The following CACNG5 variants were observed in gnomAD, a reference collection of about 807,000 sequenced individuals.
CACNG5 encodes calcium voltage-gated channel auxiliary subunit gamma 5.
Under a neutral mutation model 24.8 loss-of-function variants are expected in CACNG5, and 18 were observed. That is an observed-to-expected ratio of 0.73 (90% confidence interval 0.50 to 1.08). The LOEUF (loss-of-function observed/expected upper bound fraction) is 1.08, where lower values mean the gene tolerates loss of function less well. Among genes scored for constraint, CACNG5 ranks in the 50% least tolerant of loss-of-function variants. CACNG5 has a pLI of 0.00. For missense variants in CACNG5, 349 were observed against 367.9 expected (o/e 0.95, Z 0.42); for synonymous variants, 157 against 149.1 (o/e 1.05, Z -0.39).
intron 1 of CACNG5, among the ~76,000 whole-genome samples, chr17:66,846,694 G>A (rs946889406): frequency 3.9e-5 from 6 of 152,138 alleles, no homozygotes; most frequent in South Asian, 2.1e-4. Flanking sequence ...GGTTATTTCC[G>A]TCTTTGGACT....
intron 1 of CACNG5, among the ~76,000 whole-genome samples, chr17:66,850,723 G>A (rs944079566): frequency 3.3e-5 from 5 of 152,162 alleles, no homozygotes; most frequent in African/African-American, 1.2e-4. Flanking sequence ...CATAATGTGG[G>A]GTTGGGGGTG....
At chr17:66,867,452 T>C (rs1175186467) in intron 1 of CACNG5, among the ~76,000 whole-genome samples, 1 of 152,256 alleles carries the variant, frequency 6.6e-6, no homozygotes, top group Non-Finnish European at 1.5e-5. Context: ...TTTCTTTTGC[T>C]GTGCAGAACC....
At chr17:66,844,131 T>C (rs1976605282) in intron 1 of CACNG5, among the ~76,000 whole-genome samples, 1 of 152,168 alleles carries the variant, frequency 6.6e-6, no homozygotes, top group Non-Finnish European at 1.5e-5. Context: ...TAGGAGCTAA[T>C]ACTCGTTGGG....
rs1362132060 is a variant in CACNG5, at chr17:66,835,130, G to T, written c.-224G>T. On this transcript the variant is annotated 5_prime_UTR_variant, in exon 1 of 6. Transcript: ENST00000533854. ...GCGGCCACGGTCATTGGCGCCGAGC[G>T]GTTCCGGCTGACTGGACGGGGCGGG... 6.6e-6 allele frequency: 1 copy of T among 152,220 alleles called. No homozygotes were observed. Among genetic ancestry groups the T allele is most frequent in the Non-Finnish European group, 1.5e-5 (1 of 68,082 alleles). The allele number at this position is 152,220 out of a possible 1,614,324, so 9.4% of individuals were successfully genotyped here. A position where few individuals can be genotyped will look rare whatever the true frequency, so the allele number is the denominator to read the frequency against.
At chr17:66,867,117 C>A (rs1976940345) in intron 1 of CACNG5, among the ~76,000 whole-genome samples, 1 of 152,202 alleles carries the variant, frequency 6.6e-6, no homozygotes, top group Admixed American at 6.5e-5. Context: ...TTCTACATAG[C>A]CTTGCCAGCA....
intron 1 of CACNG5, among the ~76,000 whole-genome samples, chr17:66,855,103 A>G (rs1598049686): frequency 1.3e-5 from 2 of 152,250 alleles, no homozygotes; most frequent in Non-Finnish European, 2.9e-5. Context: ...GCCTAGCAGA[A>G]TAAAGCCCAT....
intron 1 of CACNG5, among the ~76,000 whole-genome samples, chr17:66,837,982 G>T (rs1396465471): frequency 2.0e-5 from 3 of 151,850 alleles, no homozygotes; most frequent in African/African-American, 7.3e-5. Flanking sequence ...GTTGGGCTCC[G>T]GCAGCCTGTT....
intron 1 of CACNG5, among the ~76,000 whole-genome samples, chr17:66,851,794 T>A (rs1976712155): frequency 6.6e-6 from 1 of 152,200 alleles, no homozygotes; most frequent in Non-Finnish European, 1.5e-5. Context: ...GAGAATATCA[T>A]GAAAGAGTTT....
chr17:66,882,172 T>A (rs1018334449), intron 4 of CACNG5, among the ~76,000 whole-genome samples: 19 of 152,002 alleles, frequency 1.2e-4, no homozygotes, highest in African/African-American at 4.6e-4. Context: ...CAAGTGACAT[T>A]TGAGAGGTAA....
intron 1 of CACNG5, among the ~76,000 whole-genome samples, chr17:66,837,238 C>G (rs1026994763): frequency 6.6e-6 from 1 of 152,208 alleles, no homozygotes; most frequent in Non-Finnish European, 1.5e-5. Context: ...GGCTGTGTAG[C>G]TAGGATCCCT....
rs1194696216 is a variant in CACNG5, at chr17:66,885,645, G to A, written c.*405G>A. Among the ~76,000 whole-genome samples, 1 of 152,192 alleles carries A rather than the reference G, an allele frequency of 6.6e-6. No homozygotes were observed. The highest frequency in any genetic ancestry group is 1.5e-5 in the Non-Finnish European group (1 of 68,038). ...CCAAGCTCCTTACACAGATGCAGCT[G>A]GACTCGTGCACTTGCCAACTGGCCT... On this transcript the variant is annotated 3_prime_UTR_variant, in exon 6 of 6. Coordinates refer to ENST00000533854, the MANE Select transcript of CACNG5 (RefSeq NM_145811.3).
In CACNG5 at chr17:66,889,284, G is replaced by A. The variant is rs1453396485; in HGVS notation, c.*4044G>A. 6.6e-6 allele frequency among the ~76,000 whole-genome samples: 1 copy of A among 152,140 alleles called. No individual in the cohort carries two copies. The highest frequency in any genetic ancestry group is 1.5e-5 in the Non-Finnish European group (1 of 68,034). Reference sequence around the variant, plus strand: ...CCTCTACCCTCTTTCTTGTCCCATGGGTGAGTCAATGATGTCCTCCCAGCC... The same window carrying A: ...CCTCTACCCTCTTTCTTGTCCCATGAGTGAGTCAATGATGTCCTCCCAGCC... On this transcript the variant is annotated 3_prime_UTR_variant, in exon 6 of 6. Coordinates refer to ENST00000533854, the MANE Select transcript of CACNG5 (RefSeq NM_145811.3).
chr17:66,849,446 A>C (rs970265838), intron 1 of CACNG5, among the ~76,000 whole-genome samples: 1 of 152,200 alleles, frequency 6.6e-6, no homozygotes, highest in Non-Finnish European at 1.5e-5. Flanking sequence ...CAGATCCAGC[A>C]GTGGGGTGGT....
chr17:66,862,910 G>C (rs1173306902), intron 1 of CACNG5, among the ~76,000 whole-genome samples: 30 of 150,824 alleles, frequency 2.0e-4, no homozygotes, highest in East Asian at 3.9e-4. Flanking sequence ...GTGTGTGTGT[G>C]TGTGTGTGTG....
At chr17:66,868,153 T>G (rs1320812057) in intron 1 of CACNG5, among the ~76,000 whole-genome samples, 1 of 152,204 alleles carries the variant, frequency 6.6e-6, no homozygotes, top group Non-Finnish European at 1.5e-5. Flanking sequence ...CTTCTTCTTT[T>G]GTTAAGAGCA....
intron 1 of CACNG5, among the ~76,000 whole-genome samples, chr17:66,865,691 G>A (rs1020064786): frequency 1.3e-5 from 2 of 150,152 alleles, no homozygotes; most frequent in East Asian, 2.0e-4. Flanking sequence ...GTGTAGTGGC[G>A]CGATCTCAGC....
At chr17:66,880,461 C>T in intron 3 of CACNG5, 96 bp from the exon 4 acceptor site, 1 of 1,484,236 alleles carries the variant, frequency 6.7e-7, no homozygotes, top group South Asian at 1.2e-5. Context: ...CTTTGAGGAC[C>T]AGTTGGTAGA....
intron 1 of CACNG5, 57 bp from the exon 2 acceptor site, chr17:66,877,173 A>G: frequency 3.3e-6 from 2 of 614,316 alleles, no homozygotes; most frequent in Non-Finnish European, 5.7e-6. Context: ...TTACCCATCC[A>G]TTGAGCCAGG....
rs1488137412 is a variant in CACNG5, at chr17:66,892,485, A to G, written c.*7245A>G. On this transcript the variant is annotated 3_prime_UTR_variant, in exon 6 of 6. Transcript: ENST00000533854. ...GTCTCGGGCTCTGACTATCAAGTTC[A>G]GGTCAATCTTCATCACTGGTCTTTG... Among the ~76,000 whole-genome samples the G allele has an allele frequency of 6.6e-6, 1 of 152,370 alleles. No individual in the cohort carries two copies. Among genetic ancestry groups the G allele is most frequent in the Admixed American group, 6.5e-5 (1 of 15,312 alleles).
Sources: gnomAD v4.1 joint callset for allele counts (sites outside exome capture counted in the v4.1 genomes callset) on GRCh38, gnomAD v4.1.1 for gene constraint, MANE v1.5 for transcripts, NCBI Gene and HGNC (gene_info 2026-07-23, HGNC 2026-07-21) for gene names.